The following ATXN1 variants were observed in gnomAD, a reference collection of about 807,000 sequenced individuals.
ATXN1 encodes ataxin 1, also known as ataxin-1.
ATXN1 carries 8 observed loss-of-function variants against 56.4 expected under a neutral mutation model. The ratio of observed to expected loss-of-function variants is 0.14; its 90% CI spans 0.08 to 0.26. The LOEUF is 0.26. ATXN1 is among the 10% of genes least tolerant of loss of function. The pLI is 1.00. For missense variants in ATXN1, 987 were observed against 1,106.5 expected (o/e 0.89, Z 1.53); for synonymous variants, 514 against 494.6 (o/e 1.04, Z -0.52).
intron 2 of ATXN1, among the ~76,000 whole-genome samples, chr6:16,717,274 C>T (rs978291003): frequency 6.6e-6 from 1 of 152,238 alleles, no homozygotes; most frequent in Non-Finnish European, 1.5e-5. Context: ...ACAGGCAAGG[C>T]CACCCTAGTG....
chr6:16,353,016 C>T (rs774595800), intron 6 of ATXN1, among the ~76,000 whole-genome samples: 2 of 152,066 alleles, frequency 1.3e-5, no homozygotes, highest in African/African-American at 4.8e-5. Context: ...CGCTGCGCAG[C>T]GGACAAGCTG....
At chr6:16,458,115 T>G (rs893832175) in intron 6 of ATXN1, among the ~76,000 whole-genome samples, 1 of 152,110 alleles carries the variant, frequency 6.6e-6, no homozygotes, top group Admixed American at 6.5e-5. Context: ...GCCCGAGAAT[T>G]TGGAGATACC....
rs1029819669 is a variant in ATXN1 at position 16,449,156 on chromosome 6, A to G, written c.-161+36816T>C. Among the ~76,000 whole-genome samples, 3 of 152,160 alleles carry G rather than the reference A, an allele frequency of 2.0e-5. No individual in the cohort carries two copies. In the East Asian group the frequency reaches 5.8e-4, roughly 29 times the overall value. On this transcript the variant is annotated intron_variant, in intron 6 of 7. Transcript: ENST00000436367. ...CTACCATTGCTTTTTTTAAACATAT[A>G]AACTTAAGTTCTCCCTACGTCCACT...
intron 6 of ATXN1, among the ~76,000 whole-genome samples, chr6:16,439,954 A>C (rs1441817324): frequency 6.6e-6 from 1 of 151,814 alleles, no homozygotes; most frequent in Non-Finnish European, 1.5e-5. Flanking sequence ...AGGCACCTGT[A>C]ATCCCAGCTA....
chr6:16,565,029 T>G (rs1561757321), intron 4 of ATXN1, among the ~76,000 whole-genome samples: 1 of 152,180 alleles, frequency 6.6e-6, no homozygotes. Context: ...AGGAGACATT[T>G]CCAGGTGGAT....
At chr6:16,355,718 C>A (rs1332256238) in intron 6 of ATXN1, among the ~76,000 whole-genome samples, 1 of 152,196 alleles carries the variant, frequency 6.6e-6, no homozygotes, top group East Asian at 1.9e-4. Flanking sequence ...TGCGCCACCA[C>A]GCCCGGCTAA....
In ATXN1 at chr6:16,728,883, G is replaced by A. The variant is rs575876716; in HGVS notation, c.-615+24350C>T. Among the ~76,000 whole-genome samples, 10 of 152,232 alleles carry A rather than the reference G, an allele frequency of 6.6e-5. No individual in the cohort carries two copies. In the South Asian group the frequency reaches 1.0e-3, roughly 16 times the overall value. ...AGGACAGCTTGGCATTCCCTTCCCC[G>A]TCACCCAGCTTCTATTCCTTCCCAT... On this transcript the variant is annotated intron_variant, in intron 2 of 7. Coordinates refer to ENST00000436367, the MANE Select transcript of ATXN1 (RefSeq NM_001128164.2).
chr6:16,674,027 T>C (rs547658255), intron 2 of ATXN1, among the ~76,000 whole-genome samples: 4 of 151,894 alleles, frequency 2.6e-5, no homozygotes, highest in Admixed American at 1.3e-4. Flanking sequence ...TTCCCTCCCA[T>C]ACATGGAAAT....
chr6:16,475,322 A>ATATTACAATGACAGACAT lies in ATXN1; in HGVS notation c.-161+10649_-161+10650insATGTCTGTCATTGTAATA. 2.6e-5 allele frequency among the ~76,000 whole-genome samples: 4 copies of ATATTACAATGACAGACAT among 152,312 alleles called. No individual in the cohort carries two copies. The South Asian group carries it at 8.3e-4, about 32-fold the overall frequency. Reference sequence around the variant, plus strand: ...ACAATGACAGTTAATGACAACTCCTATTATAGCAGAAATGTCTCTACAACA... The same window carrying ATATTACAATGACAGACAT: ...ACAATGACAGTTAATGACAACTCCTATATTACAATGACAGACATTTATAGCAGAAATGTCTCTACAACA... On this transcript the variant is annotated intron_variant, in intron 6 of 7. Transcript: ENST00000436367.
chr6:16,572,458 C>T (rs566794309), intron 4 of ATXN1, among the ~76,000 whole-genome samples: 4 of 152,236 alleles, frequency 2.6e-5, no homozygotes, highest in South Asian at 2.1e-4. Flanking sequence ...GCCCCTGAAC[C>T]GCAAGGCCAT....
chr6:16,363,037 C>T (rs984000506), intron 6 of ATXN1, among the ~76,000 whole-genome samples: 26 of 152,156 alleles, frequency 1.7e-4, no homozygotes, highest in African/African-American at 1.2e-4. Context: ...TCCTTTATAA[C>T]GGAATCTTCC....
chr6:16,464,976 G>A (rs1189577524), intron 6 of ATXN1, among the ~76,000 whole-genome samples: 1 of 152,180 alleles, frequency 6.6e-6, no homozygotes, highest in Non-Finnish European at 1.5e-5. Context: ...TGTTTGTCAG[G>A]GGTCGGGGAG....
At chr6:16,563,491 T>A (rs904232898) in intron 4 of ATXN1, among the ~76,000 whole-genome samples, 1 of 152,034 alleles carries the variant, frequency 6.6e-6, no homozygotes, top group African/African-American at 2.4e-5. Flanking sequence ...CTGAAGAAAG[T>A]GGCTATAGTG....
intron 5 of ATXN1, among the ~76,000 whole-genome samples, chr6:16,487,233 C>A (rs1760566105): frequency 6.6e-6 from 1 of 151,970 alleles, no homozygotes; most frequent in East Asian, 1.9e-4. Context: ...ACATCATCGA[C>A]AAAGGCCAGT....
At chr6:16,539,796 C>T (rs927335889) in intron 4 of ATXN1, among the ~76,000 whole-genome samples, 1 of 152,152 alleles carries the variant, frequency 6.6e-6, no homozygotes, top group Non-Finnish European at 1.5e-5. Flanking sequence ...CAATACAGGA[C>T]ACCTCTGCAC....
At chr6:16,638,445 C>CAAAA (rs11310261) in intron 3 of ATXN1, among the ~76,000 whole-genome samples, 3 of 92,592 alleles carry the variant, frequency 3.2e-5, no homozygotes, top group African/African-American at 8.4e-5. Flanking sequence ...GACGCTGCCT[C>CAAAA]AAAAAAAAAA....
intron 6 of ATXN1, among the ~76,000 whole-genome samples, chr6:16,332,095 C>CT (rs2113422456): frequency 6.6e-6 from 1 of 152,342 alleles, no homozygotes; most frequent in African/African-American, 2.4e-5. Context: ...TTGCAGCGAG[C>CT]TGGGGCCAAA....
At chr6:16,735,336 C>T (rs1365370093) in intron 2 of ATXN1, among the ~76,000 whole-genome samples, 1 of 152,196 alleles carries the variant, frequency 6.6e-6, no homozygotes, top group African/African-American at 2.4e-5. Context: ...GCATTGTGGG[C>T]TTTTCTGAGT....
At chr6:16,594,687 T>C (rs1001789787) in intron 3 of ATXN1, among the ~76,000 whole-genome samples, 1 of 152,096 alleles carries the variant, frequency 6.6e-6, no homozygotes, top group Non-Finnish European at 1.5e-5. Flanking sequence ...TTCACTATGT[T>C]GGCCAGGACG....
Sources: allele counts gnomAD v4.1 joint callset (sites outside exome capture counted in the v4.1 genomes callset), GRCh38; gene constraint gnomAD v4.1.1; transcripts MANE v1.5; gene names NCBI Gene and HGNC (gene_info 2026-07-23, HGNC 2026-07-21).